Variants in SYNDIG1 observed in about 807,000 individuals in gnomAD.
SYNDIG1 encodes the protein synapse differentiation-inducing gene protein 1.
SYNDIG1 carries 9 observed loss-of-function variants against 19.4 expected under a neutral mutation model. That is an observed-to-expected ratio of 0.46 (90% CI 0.28 to 0.81). SYNDIG1 has a LOEUF of 0.81. Ranked by LOEUF, SYNDIG1 falls within the 30% of genes least tolerant of loss-of-function variation. SYNDIG1 has a pLI of 0.12. For synonymous variants in SYNDIG1, 141 were observed against 145.9 expected (o/e 0.97, Z 0.24); for missense variants, 311 against 343.3 (o/e 0.91, Z 0.74).
intron 2 of SYNDIG1, among the ~76,000 whole-genome samples, chr20:24,548,193 G>C (rs1053528542): frequency 7.9e-5 from 12 of 152,216 alleles, no homozygotes; most frequent in Non-Finnish European, 1.6e-4. Flanking sequence ...TGGCTCTGCT[G>C]TCAGCCCTTG....
intron 1 of SYNDIG1, among the ~76,000 whole-genome samples, chr20:24,532,473 C>T (rs929910508): frequency 2.6e-5 from 4 of 152,162 alleles, no homozygotes; most frequent in African/African-American, 9.7e-5. Context: ...GGAACCACAT[C>T]ATGGGCATGG....
At chr20:24,529,973 G>A (rs2057214752) in intron 1 of SYNDIG1, among the ~76,000 whole-genome samples, 19 of 3,598 alleles carry the variant, frequency 5.3e-3, no homozygotes, top group South Asian at 0.015. Flanking sequence ...GAATAATGAT[G>A]GTGATGGTGG....
intron 1 of SYNDIG1, among the ~76,000 whole-genome samples, chr20:24,519,929 C>T (rs1157298783): frequency 6.6e-6 from 1 of 152,078 alleles, no homozygotes; most frequent in East Asian, 1.9e-4. Flanking sequence ...AGTAACTAAC[C>T]CATGCTAAGG....
intron 2 of SYNDIG1, among the ~76,000 whole-genome samples, chr20:24,582,279 C>T (rs1455512129): frequency 9.3e-6 from 1 of 107,372 alleles, no homozygotes; most frequent in Non-Finnish European, 1.9e-5. Flanking sequence ...ACTGCACGGT[C>T]TCCCCCCTTG....
At chr20:24,630,420 T>C (rs2059222729) in intron 3 of SYNDIG1, among the ~76,000 whole-genome samples, 2 of 152,158 alleles carry the variant, frequency 1.3e-5, no homozygotes, top group Admixed American at 1.3e-4. Flanking sequence ...ACCTAGATAT[T>C]TTCCCAAGAG....
intron 3 of SYNDIG1, among the ~76,000 whole-genome samples, chr20:24,643,335 C>T (rs189122524): frequency 1.8e-4 from 27 of 152,206 alleles, no homozygotes; most frequent in African/African-American, 6.0e-4. Context: ...GCTAGAGTGC[C>T]GTGTTCATGA....
intron 1 of SYNDIG1, among the ~76,000 whole-genome samples, chr20:24,486,878 C>G (rs1861921691): frequency 6.6e-6 from 1 of 151,916 alleles, no homozygotes; most frequent in Non-Finnish European, 1.5e-5. Context: ...AGGATGGTCT[C>G]GATCTCCTGA....
intron 1 of SYNDIG1, among the ~76,000 whole-genome samples, chr20:24,470,279 G>A (rs1342785956): frequency 6.6e-6 from 1 of 152,214 alleles, no homozygotes; most frequent in Non-Finnish European, 1.5e-5. Flanking sequence ...CTGTTTGGGA[G>A]TAGGAAGGGA....
chr20:24,516,449 T>C (rs1425253026), intron 1 of SYNDIG1, among the ~76,000 whole-genome samples: 1 of 152,154 alleles, frequency 6.6e-6, no homozygotes, highest in African/African-American at 2.4e-5. Flanking sequence ...AAAGGGCTAA[T>C]ATCCAGAACT....
intron 3 of SYNDIG1, among the ~76,000 whole-genome samples, chr20:24,662,696 G>A (rs2147410166): frequency 6.6e-6 from 1 of 152,364 alleles, no homozygotes; most frequent in Middle Eastern, 3.4e-3. Flanking sequence ...GGCACTGCTT[G>A]GGGCTTCGCC....
At chr20:24,657,720 T>C (rs1024494105) in intron 3 of SYNDIG1, among the ~76,000 whole-genome samples, 1 of 152,188 alleles carries the variant, frequency 6.6e-6, no homozygotes, top group Admixed American at 6.5e-5. Context: ...ATAGTTGCTG[T>C]TCAGCTTCTC....
chr20:24,490,800 C>A (rs113546775), intron 1 of SYNDIG1, among the ~76,000 whole-genome samples: 2,082 of 152,254 alleles, frequency 0.014, 58 homozygotes, highest in African/African-American at 0.047. Context: ...AACCTGGAAG[C>A]GCCAGGCTCC....
At chr20:24,577,788 AC>A (rs2058254195) in intron 2 of SYNDIG1, among the ~76,000 whole-genome samples, 1 of 152,050 alleles carries the variant, frequency 6.6e-6, no homozygotes, top group Admixed American at 6.6e-5. Flanking sequence ...CAACGTTGAA[AC>A]CCTTCTCTGG....
chr20:24,538,463 TCCATTG>T (rs1262075009), intron 1 of SYNDIG1, among the ~76,000 whole-genome samples: 1 of 71,658 alleles, frequency 1.4e-5, no homozygotes, highest in Non-Finnish European at 3.5e-5. Flanking sequence ...TGAGCAATAC[TCCATTG>T]AATGTAGATA....
intron 3 of SYNDIG1, among the ~76,000 whole-genome samples, chr20:24,608,757 T>C (rs1273936443): frequency 6.6e-6 from 1 of 152,190 alleles, no homozygotes; most frequent in Admixed American, 6.5e-5. Flanking sequence ...TGGCCGTCAG[T>C]AAGGATGGGG....
intron 2 of SYNDIG1, among the ~76,000 whole-genome samples, chr20:24,574,918 A>G (rs1463320154): frequency 6.6e-6 from 1 of 152,216 alleles, no homozygotes; most frequent in African/African-American, 2.4e-5. Flanking sequence ...GGAGAAATAC[A>G]TTTGTGCTTT....
At chr20:24,654,618 AGAGG>A (rs2059504403) in intron 3 of SYNDIG1, among the ~76,000 whole-genome samples, 1 of 133,072 alleles carries the variant, frequency 7.5e-6, no homozygotes. Context: ...GAGAAGGAAG[AGAGG>A]GAGGGAGGAA....
intron 1 of SYNDIG1, among the ~76,000 whole-genome samples, chr20:24,513,050 C>T (rs2056783975): frequency 1.3e-5 from 2 of 152,190 alleles, no homozygotes; most frequent in South Asian, 4.1e-4. Flanking sequence ...CTCCAACAGA[C>T]CTGCAGCTAA....
intron 2 of SYNDIG1, among the ~76,000 whole-genome samples, chr20:24,573,788 G>A (rs1296697370): frequency 6.6e-6 from 1 of 152,202 alleles, no homozygotes; most frequent in African/African-American, 2.4e-5. Flanking sequence ...TCATGGTCGT[G>A]TTCCACATAG....
Sources: allele counts gnomAD v4.1 joint callset (sites outside exome capture counted in the v4.1 genomes callset), GRCh38; gene constraint gnomAD v4.1.1; transcripts MANE v1.5; gene names NCBI Gene and HGNC (gene_info 2026-07-23, HGNC 2026-07-21).